ZNF236: variants seen among roughly 807,000 people sequenced by gnomAD.
The protein encoded by ZNF236 is zinc finger protein 236, also known as regulated by glucose.
In ZNF236, 50 loss-of-function variants were observed where a neutral mutation model predicts 191.2. The observed-to-expected ratio is 0.26, with a 90% CI of 0.21 to 0.33. The LOEUF (loss-of-function observed/expected upper bound fraction) is 0.33. Ranked by LOEUF, ZNF236 falls within the 10% of genes least tolerant of loss-of-function variation. The pLI, the probability that ZNF236 is intolerant of heterozygous loss-of-function variation, is 1.00. For synonymous variants in ZNF236, 907 were observed against 928.8 expected (o/e 0.98, Z 0.43); for missense variants, 1,754 against 2,374.5 (o/e 0.74, Z 5.43).
intron 1 of ZNF236, among the ~76,000 whole-genome samples, chr18:76,831,095 C>T (rs980166817): frequency 6.6e-6 from 1 of 151,814 alleles, no homozygotes; most frequent in African/African-American, 2.4e-5. Context: ...TAACTAAAGC[C>T]CATCATTCGC....
At chr18:76,901,277 T>G (rs551973036) in intron 11 of ZNF236, among the ~76,000 whole-genome samples, 1 of 152,332 alleles carries the variant, frequency 6.6e-6, no homozygotes, top group South Asian at 2.1e-4. Flanking sequence ...AAAGAAGTTG[T>G]AAGCACAGAT....
In ZNF236 at chr18:76,937,369, G is replaced by A. The variant is rs746746545; in HGVS notation, c.4782+26G>A. ...GCAAGTGCTCCTCAGAGAGGGATGCGAAGGTCCTTTCAAAAAGTGATCTTT... is the reference window on the plus strand; with the variant it reads ...GCAAGTGCTCCTCAGAGAGGGATGCAAAGGTCCTTTCAAAAAGTGATCTTT... On this transcript the variant is annotated intron_variant, in intron 26 of 30. Coordinates refer to ENST00000320610, the MANE Select transcript of ZNF236 (RefSeq NM_001306089.2). The A allele has an allele frequency of 7.8e-6, 12 of 1,542,786 alleles. No individual in the cohort carries two copies. In the Admixed American group the frequency reaches 8.9e-5, roughly 11 times the overall value.
Position 76,881,544 on chromosome 18 carries a change from T to C in ZNF236, c.1417+32T>C, listed in dbSNP as rs756428222. The C allele has an allele frequency of 1.4e-5, 22 of 1,583,854 alleles. No individual in the cohort carries two copies. In the South Asian group the frequency reaches 1.5e-4, roughly 11 times the overall value. ...TTCCTAAACTTTAAAGTTTGGACAT[T>C]TGGGATAGCATATTGCTGGTTTTTA... On this transcript the variant is annotated intron_variant, in intron 9 of 30. Transcript: ENST00000320610.
Position 76,895,224 on chromosome 18 carries a change from G to A in ZNF236, c.1629G>A (p.Gln543=). 6.2e-7 allele frequency: 1 copy of A among 1,600,808 alleles called. No homozygotes were observed. Among genetic ancestry groups the A allele is most frequent in the East Asian group, 2.2e-5 (1 of 44,886 alleles). Residue 543 remains glutamine, a synonymous_variant, in exon 10 of 31, where the codon CAG becomes CAA. Coordinates refer to ENST00000320610, the MANE Select transcript of ZNF236 (RefSeq NM_001306089.2). ...THTGIKAFKC[Q]YCMKSFSTSG... ...CCGGCATCAAGGCGTTCAAGTGCCA[G>A]TACTGCATGAAGAGCTTCTCCACCT... is the stretch of plus-strand genomic sequence containing the variant.
At chr18:76,849,798 A>G (rs1975804300) in intron 2 of ZNF236, 130 bp downstream of exon 2, 1 of 904,292 alleles carries the variant, frequency 1.1e-6, no homozygotes, top group Non-Finnish European at 1.5e-6. Context: ...TCTACAAATA[A>G]ATATTTTGGC....
intron 1 of ZNF236, among the ~76,000 whole-genome samples, chr18:76,843,259 TG>T (rs1179501508): frequency 1.3e-5 from 2 of 151,802 alleles, no homozygotes; most frequent in African/African-American, 4.8e-5. Context: ...TTCAGACAAC[TG>T]GGAAGAGGTT....
rs369552720 is a variant in ZNF236 at position 76,858,590 on chromosome 18, ACTTCT to A, written c.363+6655_363+6659del. On this transcript the variant is annotated intron_variant, in intron 3 of 30. Transcript: ENST00000320610. ...GCAGTTAGTTTTGAACAGATGAGAT[ACTTCT>A]CTTTTGACCCTGGAAGAAGTGGAAG... 1.6e-4 allele frequency among the ~76,000 whole-genome samples: 25 copies of A among 152,352 alleles called. No individual in the cohort carries two copies. The East Asian group carries it at 3.1e-3, about 19-fold the overall frequency.
intron 25 of ZNF236, among the ~76,000 whole-genome samples, chr18:76,928,646 T>C (rs1568235151): frequency 6.6e-6 from 1 of 152,200 alleles, no homozygotes; most frequent in Non-Finnish European, 1.5e-5. Context: ...GTCACCAGGC[T>C]GACTCATTCC....
chr18:76,913,344 C>A (rs1293537126), intron 17 of ZNF236, among the ~76,000 whole-genome samples: 1 of 152,120 alleles, frequency 6.6e-6, no homozygotes, highest in African/African-American at 2.4e-5. Flanking sequence ...TGACTAGATA[C>A]AGGAGTGATT....
At chr18:76,837,765 A>G (rs1477902105) in intron 1 of ZNF236, among the ~76,000 whole-genome samples, 1 of 152,142 alleles carries the variant, frequency 6.6e-6, no homozygotes, top group Admixed American at 6.6e-5. Flanking sequence ...TAACCTTTGT[A>G]TATCCACTTC....
At chr18:76,916,080 C>G (rs1282803811) in intron 19 of ZNF236, among the ~76,000 whole-genome samples, 3 of 152,190 alleles carry the variant, frequency 2.0e-5, no homozygotes, top group Non-Finnish European at 2.9e-5. Context: ...TTACAAATCA[C>G]CACGCGCTGA....
chr18:76,960,327 C>T lies in ZNF236; in HGVS notation c.5243-352C>T, dbSNP rs769940044. Among the ~76,000 whole-genome samples, 2 of 152,176 alleles carry T rather than the reference C, an allele frequency of 1.3e-5. No homozygotes were observed. The highest frequency in any genetic ancestry group is 2.9e-5 in the Non-Finnish European group (2 of 68,028). ...TGCCTCTTGACTGTACATGATAGCT[C>T]GTGTCAGCCCTTCCGTCTCCGCCCT... On this transcript the variant is annotated intron_variant, in intron 29 of 30. Coordinates refer to ENST00000320610, the MANE Select transcript of ZNF236 (RefSeq NM_001306089.2). The surrounding 1 kb of genome is among the most constrained non-coding windows in gnomAD (Gnocchi z 4.4).
chr18:76,852,493 A>G (rs927883731), intron 3 of ZNF236, among the ~76,000 whole-genome samples: 2 of 152,204 alleles, frequency 1.3e-5, no homozygotes, highest in Admixed American at 6.5e-5. Flanking sequence ...GCCAATGGCT[A>G]TTGCTTAAAA....
At chr18:76,966,526 A>G (rs947571551) in intron 30 of ZNF236, among the ~76,000 whole-genome samples, 11 of 152,130 alleles carry the variant, frequency 7.2e-5, no homozygotes, top group Non-Finnish European at 1.3e-4. Flanking sequence ...CTGGCCAGTC[A>G]GAGGCCCAGA....
At chr18:76,861,908 G>A (rs12963956) in intron 3 of ZNF236, among the ~76,000 whole-genome samples, 35,932 of 151,922 alleles carry the variant, frequency 0.24, 5,339 homozygotes, top group East Asian at 0.33. Flanking sequence ...CTTGTCGCCC[G>A]GGCTGGAGTG....
chr18:76,860,976 T>G (rs1976202138), intron 3 of ZNF236, among the ~76,000 whole-genome samples: 1 of 152,132 alleles, frequency 6.6e-6, no homozygotes, highest in South Asian at 2.1e-4. Context: ...GTGAGGATGC[T>G]TCACAGCTTC....
intron 1 of ZNF236, among the ~76,000 whole-genome samples, chr18:76,822,949 T>TC (rs1974901755): frequency 7.0e-6 from 1 of 142,508 alleles, no homozygotes; most frequent in Non-Finnish European, 1.6e-5. Context: ...GGCGGCCGCC[T>TC]CCTGCGCGCG....
Position 76,937,473 on chromosome 18 carries a change from T to C in ZNF236, c.4782+130T>C, listed in dbSNP as rs999029663. On this transcript the variant is annotated intron_variant, in intron 26 of 30. Coordinates refer to ENST00000320610, the MANE Select transcript of ZNF236 (RefSeq NM_001306089.2). ...CCCCAAAATCGAAGCATTTTTTTTC[T>C]GATTAAAAAATACGGTAAATATAAA... 1.2e-5 allele frequency: 10 copies of C among 852,356 alleles called. No homozygotes were observed. In the East Asian group the frequency reaches 2.5e-4, roughly 21 times the overall value. The allele number at this position is 852,356 out of a possible 1,614,324, so 52.8% of individuals were successfully genotyped here. A position where few individuals can be genotyped will look rare whatever the true frequency, so the allele number is the denominator to read the frequency against.
intron 1 of ZNF236, among the ~76,000 whole-genome samples, chr18:76,847,937 T>C (rs1007925419): frequency 6.6e-6 from 1 of 152,244 alleles, no homozygotes; most frequent in African/African-American, 2.4e-5. Flanking sequence ...TCACTTTTTA[T>C]GTATGAAGTT....
Sources: allele counts gnomAD v4.1 joint callset (sites outside exome capture counted in the v4.1 genomes callset), GRCh38; gene constraint gnomAD v4.1.1; non-coding constraint Gnocchi (gnomAD v3.1); transcripts MANE v1.5; gene names NCBI Gene and HGNC (gene_info 2026-07-23, HGNC 2026-07-21).